The following CNGA3 variants were observed in gnomAD, a reference collection of about 807,000 sequenced individuals.
CNGA3 encodes cyclic nucleotide-gated channel alpha-3.
Under a neutral mutation model 46.6 loss-of-function variants are expected in CNGA3, and 42 were observed. The ratio of observed to expected loss-of-function variants is 0.90; its 90% CI spans 0.70 to 1.17. The LOEUF (loss-of-function observed/expected upper bound fraction) is 1.17, where lower values mean the gene tolerates loss of function less well. Ranked by LOEUF, CNGA3 falls within the 50% of genes most tolerant of loss-of-function variation. The probability of loss-of-function intolerance (pLI) is 0.00; values close to 1 mark genes in which losing one functional copy is unlikely to be tolerated. For missense variants in CNGA3, 893 were observed against 890.7 expected (o/e 1.00, Z -0.03); for synonymous variants, 394 against 369.4 (o/e 1.07, Z -0.76).
intron 2 of CNGA3, 118 bp downstream of exon 2, chr2:98,370,194 G>C (rs1692255209): frequency 1.2e-6 from 1 of 815,458 alleles, no homozygotes; most frequent in African/African-American, 1.7e-5. Flanking sequence ...CAGAGGGCAG[G>C]GGAGGTATTC....
chr2:98,376,445 G>A (rs537760979), intron 2 of CNGA3, among the ~76,000 whole-genome samples: 34 of 152,296 alleles, frequency 2.2e-4, no homozygotes, highest in African/African-American at 8.2e-4. Context: ...GGTGGTTCCA[G>A]CAGAAAACAG....
chr2:98,361,232 C>T (rs1558804886), intron 1 of CNGA3, among the ~76,000 whole-genome samples: 1 of 152,106 alleles, frequency 6.6e-6, no homozygotes, highest in Non-Finnish European at 1.5e-5. Flanking sequence ...TCACTGTGTC[C>T]ACCTGTTCTC....
chr2:98,370,751 C>T (rs1035505145), intron 2 of CNGA3, among the ~76,000 whole-genome samples: 2 of 152,342 alleles, frequency 1.3e-5, no homozygotes, highest in South Asian at 4.1e-4. Flanking sequence ...TTTCCAAGCT[C>T]CTGGTATAAT....
chr2:98,394,007 G>A (rs571775823), intron 7 of CNGA3, among the ~76,000 whole-genome samples: 22 of 150,998 alleles, frequency 1.5e-4, no homozygotes, highest in Non-Finnish European at 3.2e-4. Flanking sequence ...TCCTACCCCA[G>A]TCTAGCCTCG....
At chr2:98,379,688 T>A (rs1267489944) in intron 3 of CNGA3, among the ~76,000 whole-genome samples, 1 of 152,246 alleles carries the variant, frequency 6.6e-6, no homozygotes, top group African/African-American at 2.4e-5. Flanking sequence ...CCTGGACGCC[T>A]GTTCCTTTAA....
chr2:98,381,219 C>T (rs3754900), intron 4 of CNGA3, among the ~76,000 whole-genome samples: 133,925 of 152,014 alleles, frequency 0.88, 59,178 homozygotes, highest in Admixed American at 0.95. Context: ...GGAGGAGAGG[C>T]AAGACGTTGA....
Position 98,396,554 on chromosome 2 carries a change from G to A in CNGA3, c.1384G>A (p.Asp462Asn). 6.2e-7 allele frequency: 1 copy of A among 1,614,046 alleles called. No individual in the cohort carries two copies. The change falls in exon 8 of 8, where the codon GAC (aspartate) becomes AAC (asparagine). Residue 462 changes from aspartate to asparagine, a missense_variant. Physicochemically the swap from Asp to Asn is conservative, Grantham distance 23. Transcript: ENST00000272602. ...GAAGGAGGTGCTCAAGAGCCTCCCA[G>A]ACAAGCTGAAGGCTGAGATCGCCAT... ...DEKEVLKSLP[D>N]KLKAEIAINV...
chr2:98,376,512 GAGACAGCC>G (rs903119265), intron 2 of CNGA3, among the ~76,000 whole-genome samples: 2 of 152,288 alleles, frequency 1.3e-5, no homozygotes, highest in African/African-American at 4.8e-5. Flanking sequence ...GCGCAGTCAA[GAGACAGCC>G]CAGGCAGACC....
At chr2:98,392,636 G>A (rs1379880741) in intron 7 of CNGA3, among the ~76,000 whole-genome samples, 4 of 151,820 alleles carry the variant, frequency 2.6e-5, no homozygotes, top group African/African-American at 9.7e-5. Flanking sequence ...CTGCAATCTC[G>A]AAGGACCCCT....
chr2:98,379,894 T>C (rs1692498380), intron 3 of CNGA3: 3 of 523,964 alleles, frequency 5.7e-6, no homozygotes, highest in Admixed American at 3.2e-5. Flanking sequence ...GTCCAAGTGC[T>C]GCAAGGACAA....
intron 5 of CNGA3, among the ~76,000 whole-genome samples, chr2:98,386,346 T>C (rs2104220941): frequency 6.6e-6 from 1 of 152,320 alleles, no homozygotes; most frequent in East Asian, 1.9e-4. Context: ...GCTCCTCTAA[T>C]TCCCATGTGT....
intron 1 of CNGA3, among the ~76,000 whole-genome samples, chr2:98,348,021 T>A (rs1336505976): frequency 1.3e-5 from 2 of 152,188 alleles, no homozygotes; most frequent in African/African-American, 4.8e-5. Context: ...CAACTGGGTC[T>A]TCTACGCCAG....
At chr2:98,385,155 G>A (rs1285636692) in intron 5 of CNGA3, among the ~76,000 whole-genome samples, 3 of 152,130 alleles carry the variant, frequency 2.0e-5, no homozygotes, top group African/African-American at 4.8e-5. Flanking sequence ...ACCCAGACAG[G>A]CCAAGGCCCG....
intron 7 of CNGA3, 21 bp downstream of exon 7, chr2:98,391,991 G>A (rs1162118913): frequency 6.2e-7 from 1 of 1,606,436 alleles, no homozygotes; most frequent in East Asian, 2.2e-5. Context: ...CCCAGGCCTG[G>A]GGAGGGGACC....
At chr2:98,389,521 C>G (rs1351401931) in intron 5 of CNGA3, 137 bp from the exon 6 acceptor site, 1 of 783,994 alleles carries the variant, frequency 1.3e-6, no homozygotes, top group Non-Finnish European at 2.3e-6. Context: ...CCATGTGACT[C>G]CCTTGAGACT....
chr2:98,381,275 C>T (rs1390023804), intron 4 of CNGA3, among the ~76,000 whole-genome samples: 1 of 152,090 alleles, frequency 6.6e-6, no homozygotes, highest in Non-Finnish European at 1.5e-5. Flanking sequence ...TGGCTTCTCA[C>T]CCAGAACCTA....
At chr2:98,365,772 T>C (rs1055085930) in intron 1 of CNGA3, among the ~76,000 whole-genome samples, 4 of 152,196 alleles carry the variant, frequency 2.6e-5, no homozygotes, top group Non-Finnish European at 4.4e-5. Flanking sequence ...CTCTCTAAAC[T>C]GGTTACTCTG....
At chr2:98,353,387 C>A (rs966293913) in intron 1 of CNGA3, among the ~76,000 whole-genome samples, 11 of 152,144 alleles carry the variant, frequency 7.2e-5, no homozygotes, top group African/African-American at 2.7e-4. Flanking sequence ...TATTCACACA[C>A]AAAATATGAG....
At position 98,370,090 on chromosome 2, in the gene CNGA3, A is replaced by C. The variant is rs1197861900; in HGVS notation, c.101+14A>C. The C allele has an allele frequency of 6.3e-7, 1 of 1,587,964 alleles. No homozygotes were observed. Among genetic ancestry groups the C allele is most frequent in the Non-Finnish European group, 8.6e-7 (1 of 1,157,100 alleles). ...TGGCCTCAGCAGGTAAGATGGGCTA[A>C]GATGGGCTTTTCATTTTATGCCTGG... On this transcript the variant is annotated intron_variant, in intron 2 of 7. Transcript: ENST00000272602.
Sources: allele counts gnomAD v4.1 joint callset (sites outside exome capture counted in the v4.1 genomes callset), GRCh38; gene constraint gnomAD v4.1.1; transcripts MANE v1.5; gene names NCBI Gene and HGNC (gene_info 2026-07-23, HGNC 2026-07-21).